The following CUX1 variants were observed in gnomAD, a reference collection of about 807,000 sequenced individuals.
CUX1 encodes the protein cut like homeobox 1.
In CUX1, 31 loss-of-function variants were observed where a neutral mutation model predicts 158.8. The ratio of observed to expected loss-of-function variants is 0.20; its 90% confidence interval spans 0.15 to 0.26. CUX1 has a LOEUF of 0.26. Ranked by LOEUF, CUX1 falls within the 10% of genes least tolerant of loss-of-function variation. The pLI is 1.00. For synonymous variants in CUX1, 879 were observed against 862.1 expected, an observed-to-expected ratio of 1.02 and a Z score of -0.34; for missense variants, 1,589 against 2,014.6, an observed-to-expected ratio of 0.79 and a Z score of 4.04.
intron 8 of CUX1, among the ~76,000 whole-genome samples, chr7:102,120,156 G>T (rs1464270099): frequency 6.6e-6 from 1 of 152,200 alleles, no homozygotes; most frequent in East Asian, 1.9e-4. Flanking sequence ...GGTTTGGGTT[G>T]CTACTGCACC....
intron 3 of CUX1, among the ~76,000 whole-genome samples, chr7:102,059,727 A>G (rs1337918895): frequency 6.6e-6 from 1 of 152,016 alleles, no homozygotes; most frequent in African/African-American, 2.4e-5. Context: ...GCTGACTTCT[A>G]GTGTTTAATG....
At chr7:102,147,105 G>A (rs546350483) in intron 8 of CUX1, among the ~76,000 whole-genome samples, 9 of 152,154 alleles carry the variant, frequency 5.9e-5, no homozygotes, top group Middle Eastern at 3.4e-3. Flanking sequence ...AGACTGGACC[G>A]ACTCTCTTTC....
intron 11 of CUX1, among the ~76,000 whole-genome samples, chr7:102,180,016 CGTTGTTGTT>C (rs199850961): frequency 3.1e-4 from 47 of 152,102 alleles, no homozygotes; most frequent in African/African-American, 1.1e-3. Context: ...TGTGTTTTGT[CGTTGTTGTT>C]GTTGTTGTTG....
chr7:102,280,773 G>C, intron 19 of CUX1: 1 of 1,611,268 alleles, frequency 6.2e-7, no homozygotes, highest in East Asian at 2.2e-5. Context: ...GGTCCTTTGG[G>C]GTCCTTTCCT....
intron 2 of CUX1, among the ~76,000 whole-genome samples, chr7:102,017,695 A>G (rs1465576661): frequency 6.6e-6 from 1 of 152,080 alleles, no homozygotes; most frequent in African/African-American, 2.4e-5. Context: ...AAAAATACAA[A>G]AATTAGCCAG....
intron 2 of CUX1, among the ~76,000 whole-genome samples, chr7:101,994,851 A>G (rs1305753834): frequency 6.6e-6 from 1 of 150,558 alleles, no homozygotes; most frequent in African/African-American, 2.4e-5. Flanking sequence ...GCACTTTGGA[A>G]GGCTGAAGCA....
At chr7:102,116,985 G>A (rs1831500788) in intron 8 of CUX1, among the ~76,000 whole-genome samples, 1 of 152,182 alleles carries the variant, frequency 6.6e-6, no homozygotes, top group Non-Finnish European at 1.5e-5. Flanking sequence ...TCCATGGGGA[G>A]ACAGGCCATT....
chr7:102,120,522 C>T (rs1831924355), intron 8 of CUX1, among the ~76,000 whole-genome samples: 1 of 152,226 alleles, frequency 6.6e-6, no homozygotes. Context: ...TTTCAAAGAA[C>T]GACATTGTGT....
intron 2 of CUX1, among the ~76,000 whole-genome samples, chr7:101,999,168 C>G (rs1164730231): frequency 3.3e-5 from 5 of 151,594 alleles, no homozygotes; most frequent in Non-Finnish European, 5.9e-5. Flanking sequence ...GCAGCTGTCG[C>G]CTCCACTCTC....
intron 8 of CUX1, among the ~76,000 whole-genome samples, chr7:102,120,303 A>G (rs1361903216): frequency 5.3e-5 from 8 of 152,224 alleles, no homozygotes; most frequent in Admixed American, 4.6e-4. Context: ...TTCCAGCTGC[A>G]ATACACACAG....
intron 3 of CUX1, among the ~76,000 whole-genome samples, chr7:102,029,481 C>T (rs577164532): frequency 4.6e-5 from 7 of 152,170 alleles, no homozygotes; most frequent in East Asian, 1.9e-4. Flanking sequence ...AGCAAGTTGT[C>T]GGGCTTCCAT....
chr7:102,107,578 G>C (rs1424270754), intron 6 of CUX1, among the ~76,000 whole-genome samples: 2 of 152,162 alleles, frequency 1.3e-5, no homozygotes, highest in Non-Finnish European at 2.9e-5. Context: ...AGAACTGCCA[G>C]CTCCCGCCCA....
In CUX1 at chr7:102,003,295, AACACACAC is replaced by A. The variant is rs56760446; in HGVS notation, c.142-24770_142-24763del. Among the ~76,000 whole-genome samples, 168 of 131,970 alleles carry A rather than the reference AACACACAC, an allele frequency of 1.3e-3. 1 individual carries two copies. Among genetic ancestry groups the A allele is most frequent in the East Asian group, 0.012 (49 of 4,248 alleles). 86.6% of individuals were successfully genotyped at this position (131,970 alleles called of 152,430 possible). On this transcript the variant is annotated intron_variant, in intron 2 of 23. Transcript: ENST00000292535. ...CCACTAAGCCCAGCACCTGGTGCCG[AACACACAC>A]ACACACACACACACACACACACACA...
intron 2 of CUX1, among the ~76,000 whole-genome samples, chr7:101,994,017 A>G (rs568241526): frequency 9.9e-5 from 15 of 152,228 alleles, no homozygotes; most frequent in South Asian, 4.1e-4. Context: ...ATCTGTCTCC[A>G]CACATTGAGG....
At chr7:101,909,641 T>A (rs753655634) in intron 1 of CUX1, among the ~76,000 whole-genome samples, 77 of 152,380 alleles carry the variant, frequency 5.1e-4, no homozygotes, top group Non-Finnish European at 7.5e-4. Context: ...TTGATTAGTT[T>A]GACAGATAAT....
rs539889233 is a variant in CUX1, at chr7:101,916,756, G to A, written c.141+531G>A. Among the ~76,000 whole-genome samples the A allele has an allele frequency of 9.2e-5, 14 of 152,276 alleles. No individual in the cohort carries two copies. The highest frequency in any genetic ancestry group is 1.6e-4 in the Non-Finnish European group (11 of 68,034). On this transcript the variant is annotated intron_variant, in intron 2 of 23. Transcript: ENST00000292535. This position sits in a 1 kb window ranked among gnomAD's most constrained non-coding sequence, Gnocchi z 4.4. The stretch of plus-strand genomic sequence containing the variant: ...GCCTCTCTGTTTCTTGAAATATGCC[G>A]TAAAGGGCAATGGAAATGTGCTTTT...
rs1182262592 is a variant in CUX1, at chr7:102,250,943, C to G, written c.*1901C>G. The G allele has an allele frequency of 2.1e-6, 2 of 973,838 alleles. No homozygotes were observed. The highest frequency in any genetic ancestry group is 2.4e-6 in the Non-Finnish European group (2 of 819,682). 60.3% of individuals were successfully genotyped at this position (973,838 alleles called of 1,614,324 possible). A position where few individuals can be genotyped will look rare whatever the true frequency, so the allele number is the denominator to read the frequency against. ...ACTTCTTTATTGCCATATCTTTAAA[C>G]TAACAATAGATGATTTCGGTATATA... On this transcript the variant is annotated 3_prime_UTR_variant, in exon 24 of 24. Transcript: ENST00000292535.
chr7:101,849,764 C>T (rs1796075456), intron 1 of CUX1, among the ~76,000 whole-genome samples: 1 of 152,084 alleles, frequency 6.6e-6, no homozygotes, highest in Admixed American at 6.6e-5. Context: ...ACACTGTCTT[C>T]TATAATGGCT....
At chr7:102,110,711 G>T (rs1289760979) in intron 6 of CUX1, among the ~76,000 whole-genome samples, 3 of 152,066 alleles carry the variant, frequency 2.0e-5, no homozygotes, top group Non-Finnish European at 1.5e-5. Flanking sequence ...ACTATAGGCT[G>T]TTACATATCA....
Sources: gnomAD v4.1 joint callset for allele counts (sites outside exome capture counted in the v4.1 genomes callset) on GRCh38, gnomAD v4.1.1 for gene constraint, Gnocchi (gnomAD v3.1) non-coding constraint, MANE v1.5 for transcripts, NCBI Gene and HGNC (gene_info 2026-07-23, HGNC 2026-07-21) for gene names.